Variants in KCNS1 observed in about 807,000 individuals in gnomAD.
The protein encoded by KCNS1 is delayed-rectifier potassium channel regulatory subunit KCNS1.
A neutral mutation model predicts 33.1 loss-of-function variants in KCNS1; 26 were observed. The observed-to-expected ratio is 0.79, with a 90% CI of 0.58 to 1.09. KCNS1 has a LOEUF of 1.09. Ranked by LOEUF, KCNS1 falls within the 50% of genes least tolerant of loss-of-function variation. KCNS1 has a pLI of 0.00. For missense variants in KCNS1, 702 were observed against 752.4 expected (o/e 0.93, Z 0.78); for synonymous variants, 299 against 338.8 (o/e 0.88, Z 1.29).
At position 45,098,594 on chromosome 20, in the gene KCNS1, G is replaced by C. The variant is rs1370575747; in HGVS notation, c.178C>G (p.Arg60Gly). ...EALRVNVGGV[R>G]RQLSARALAR... Reference sequence around the variant, plus strand: ...AGGGCGCGCGCGCTCAGCTGCCGCCGCACGCCACCCACGTTCACGCGCAGC... The same window carrying C: ...AGGGCGCGCGCGCTCAGCTGCCGCCCCACGCCACCCACGTTCACGCGCAGC... Residue 60 changes from arginine to glycine, a missense_variant, in exon 3 of 4, where the codon CGG becomes GGG. Physicochemically the swap from Arg to Gly is moderately radical, Grantham distance 125 (BLOSUM62 -2). Coordinates refer to ENST00000537075, the MANE Select transcript of KCNS1 (RefSeq NM_001322799.2). This position sits in a 1 kb window ranked among gnomAD's most constrained non-coding sequence, Gnocchi z 5.2. 1 of 1,412,398 alleles carries C rather than the reference G, an allele frequency of 7.1e-7. No individual in the cohort carries two copies. Among genetic ancestry groups the C allele is most frequent in the African/African-American group, 1.5e-5 (1 of 67,192 alleles). 87.5% of individuals were successfully genotyped at this position (1,412,398 alleles called of 1,614,324 possible). A position where few individuals can be genotyped will look rare whatever the true frequency, so the allele number is the denominator to read the frequency against.
intron 2 of KCNS1, 37 bp downstream of exon 2, chr20:45,099,124 C>T: frequency 6.5e-7 from 1 of 1,549,428 alleles, no homozygotes; most frequent in Non-Finnish European, 8.7e-7. Flanking sequence ...GCCCTCTGAA[C>T]CTGTTTCTTC....
At position 45,097,896 on chromosome 20, in the gene KCNS1, C is replaced by T; in HGVS notation, c.876G>A (p.Leu292=). 1 of 1,608,810 alleles carries T rather than the reference C, an allele frequency of 6.2e-7. No homozygotes were observed. The highest frequency in any genetic ancestry group is 8.5e-7 in the Non-Finnish European group (1 of 1,177,786). Residue 292 remains leucine, a synonymous_variant, in exon 3 of 4, where the codon CTG becomes CTA. Transcript: ENST00000537075. Reference sequence around the variant, plus strand: ...AGAAGTTGCGCGTACTGGGCGCCAGCAGGAGGCGCGACGACACCTCGAAGC... The same window carrying T: ...AGAAGTTGCGCGTACTGGGCGCCAGTAGGAGGCGCGACGACACCTCGAAGC... The part of the protein sequence containing the change: ...WFSFEVSSRL[L]LAPSTRNFFC...
Position 45,093,013 on chromosome 20 carries a change from G to A in KCNS1, c.*1857C>T, listed in dbSNP as rs1981047961. ...ATTTTTCCACCACTGTATCTCTTGA[G>A]ACTAGTAAGCAGCCCATAAGTCAGA... On this transcript the variant is annotated 3_prime_UTR_variant, in exon 4 of 4. Transcript: ENST00000537075. The A allele has an allele frequency of 6.6e-6, 1 of 151,996 alleles. No individual in the cohort carries two copies. The highest frequency in any genetic ancestry group is 6.6e-5 in the Admixed American group (1 of 15,262). 9.4% of individuals were successfully genotyped at this position (151,996 alleles called of 1,614,324 possible). A position where few individuals can be genotyped will look rare whatever the true frequency, so the allele number is the denominator to read the frequency against.
chr20:45,096,128 G>T (rs1981177478), intron 3 of KCNS1, among the ~76,000 whole-genome samples: 1 of 152,206 alleles, frequency 6.6e-6, no homozygotes, highest in South Asian at 2.1e-4. Context: ...AATGCGTGCA[G>T]GAATCATGCA....
At position 45,097,823 on chromosome 20, in the gene KCNS1, A is replaced by G; in HGVS notation, c.949T>C (p.Tyr317His). The G allele has an allele frequency of 6.2e-7, 1 of 1,613,752 alleles. No homozygotes were observed. Among genetic ancestry groups the G allele is most frequent in the South Asian group, 1.1e-5 (1 of 91,082 alleles). ...GCCACACCAGCCAGCAGCGTGAGAT[A>G]GAAGGGCAGCACAGACACAATGTCG... is the stretch of plus-strand genomic sequence containing the variant. The part of the protein sequence containing the change: ...LIDIVSVLPF[Y>H]LTLLAGVALG... Residue 317 changes from tyrosine (Y) to histidine (H), a missense_variant, in exon 3 of 4, where the codon TAT becomes CAT. This residue lies in a region of KCNS1 where 253 missense variants were observed against 327.4 expected (regional missense o/e 0.77). Coordinates refer to ENST00000537075, the MANE Select transcript of KCNS1 (RefSeq NM_001322799.2).
Position 45,097,998 on chromosome 20 carries a change from G to T in KCNS1, c.774C>A (p.Ala258=). 1 of 1,530,208 alleles carries T rather than the reference G, an allele frequency of 6.5e-7. No individual in the cohort carries two copies. Among genetic ancestry groups the T allele is most frequent in the Non-Finnish European group, 8.8e-7 (1 of 1,139,844 alleles). The allele number at this position is 1,530,208 out of a possible 1,614,324, so 94.8% of individuals were successfully genotyped here. Reference sequence around the variant, plus strand: ...GCACGCCTTCCGGGCTGCGGCCCGCGGCCACCGCAGCCACGGCGGCCGCCG... The same window carrying T: ...GCACGCCTTCCGGGCTGCGGCCCGCTGCCACCGCAGCCACGGCGGCCGCCG... ...REAAAAVAAV[A]AGRSPEGVRD... The change falls in exon 3 of 4, where the codon GCC becomes GCA. Residue 258 remains alanine (A), a synonymous_variant. Transcript: ENST00000537075.
rs1981309909 is a variant in KCNS1, at chr20:45,098,987, A to G, written c.76+174T>C. ...TAAATGCTGAGATCTACCTGGAAGG[A>G]TATGAAAGCGATGGAATCGCAGGAT... On this transcript the variant is annotated intron_variant, in intron 2 of 3. Coordinates refer to ENST00000537075, the MANE Select transcript of KCNS1 (RefSeq NM_001322799.2). The surrounding 1 kb of genome is among the most constrained non-coding windows in gnomAD (Gnocchi z 5.2). Among the ~76,000 whole-genome samples, 1 of 152,194 alleles carries G rather than the reference A, an allele frequency of 6.6e-6. No homozygotes were observed. Among genetic ancestry groups the G allele is most frequent in the Non-Finnish European group, 1.5e-5 (1 of 68,032 alleles).
intron 1 of KCNS1, among the ~76,000 whole-genome samples, chr20:45,099,444 G>A (rs1981325930): frequency 6.6e-6 from 1 of 152,148 alleles, no homozygotes; most frequent in South Asian, 2.1e-4. Flanking sequence ...ACTCTCTTGT[G>A]TCACCTTAGG....
In KCNS1 at chr20:45,091,856, G is replaced by A. The variant is rs1981008994; in HGVS notation, c.*3014C>T. ...ACAAACTAGAAGAGAAAAGGAGAGG[G>A]TTTCCCCCTGGAGTCTCCAGAGGGA... On this transcript the variant is annotated 3_prime_UTR_variant, in exon 4 of 4. Transcript: ENST00000537075. Among the ~76,000 whole-genome samples, 1 of 152,102 alleles carries A rather than the reference G, an allele frequency of 6.6e-6. No individual in the cohort carries two copies. The highest frequency in any genetic ancestry group is 1.5e-5 in the Non-Finnish European group (1 of 68,028).
Position 45,098,651 on chromosome 20 carries a change from T to C in KCNS1, c.121A>G (p.Thr41Ala). 6.8e-7 allele frequency: 1 copy of C among 1,471,656 alleles called. No individual in the cohort carries two copies. Among genetic ancestry groups the C allele is most frequent in the Non-Finnish European group, 9.0e-7 (1 of 1,113,240 alleles). The allele number at this position is 1,471,656 out of a possible 1,614,324, so 91.2% of individuals were successfully genotyped here. A position where few individuals can be genotyped will look rare whatever the true frequency, so the allele number is the denominator to read the frequency against. The change falls in exon 3 of 4, where the codon ACC (threonine) becomes GCC (alanine). Residue 41 changes from threonine (T) to alanine (A), a missense_variant. Transcript: ENST00000537075. This position sits in a 1 kb window ranked among gnomAD's most constrained non-coding sequence, Gnocchi z 5.2. ...TFVSEFPGPDTGIRWRRSDEA... is the reference protein window; with the variant it reads ...TFVSEFPGPDAGIRWRRSDEA... ...TCGCTTCGCCGCCAGCGGATCCCGGTGTCGGGGCCCGGGAACTCGCTCACA... is the reference window on the plus strand; with the variant it reads ...TCGCTTCGCCGCCAGCGGATCCCGGCGTCGGGGCCCGGGAACTCGCTCACA...
chr20:45,096,463 C>T (rs533939632), intron 3 of KCNS1, among the ~76,000 whole-genome samples: 10 of 152,190 alleles, frequency 6.6e-5, no homozygotes, highest in Non-Finnish European at 2.9e-5. Context: ...TTCCTTATAC[C>T]TGCCCACTGC....
Position 45,095,102 on chromosome 20 carries a change from G to T in KCNS1, c.1349C>A (p.Ala450Glu), listed in dbSNP as rs1470563146. The T allele has an allele frequency of 1.2e-6, 2 of 1,614,002 alleles. No homozygotes were observed. The highest frequency in any genetic ancestry group is 1.7e-6 in the Non-Finnish European group (2 of 1,179,992). ...GTTGAAGATGATGGTGATGGGGAGTGCTACCACCAGGATGCCCCCTAGGAT... is the reference window on the plus strand; with the variant it reads ...GTTGAAGATGATGGTGATGGGGAGTTCTACCACCAGGATGCCCCCTAGGAT... ...GCILGGILVV[A>E]LPITIIFNKF... The change falls in exon 4 of 4, where the codon GCA (alanine) becomes GAA (glutamate). Residue 450 changes from alanine to glutamate, a missense_variant. By Grantham distance (107) the Ala-to-Glu change is moderately radical (BLOSUM62 -1). Transcript: ENST00000537075.
At position 45,094,835 on chromosome 20, in the gene KCNS1, G is replaced by A. The variant is rs755320285; in HGVS notation, c.*35C>T. ...CTTTAGCAGGGGAGGAATCTCTACTGTAGGGGCATGGCAGGGGGTCACGGA... is the reference window on the plus strand; with the variant it reads ...CTTTAGCAGGGGAGGAATCTCTACTATAGGGGCATGGCAGGGGGTCACGGA... On this transcript the variant is annotated 3_prime_UTR_variant, in exon 4 of 4. Transcript: ENST00000537075. 2 of 1,530,852 alleles carry A rather than the reference G, an allele frequency of 1.3e-6. No individual in the cohort carries two copies. Among genetic ancestry groups the A allele is most frequent in the Non-Finnish European group, 8.9e-7 (1 of 1,118,848 alleles). 94.8% of individuals were successfully genotyped at this position (1,530,852 alleles called of 1,614,324 possible).
rs1981015035 is a variant in KCNS1, at chr20:45,092,052, A to G, written c.*2818T>C. ...TTTGCTTGATGTCAGTTTGTTGCTT[A>G]TACCCTCAAACTCTAATTGTTAACA... On this transcript the variant is annotated 3_prime_UTR_variant, in exon 4 of 4. Transcript: ENST00000537075. Among the ~76,000 whole-genome samples, 1 of 152,224 alleles carries G rather than the reference A, an allele frequency of 6.6e-6. No individual in the cohort carries two copies. Among genetic ancestry groups the G allele is most frequent in the Non-Finnish European group, 1.5e-5 (1 of 68,036 alleles).
chr20:45,098,327 C>T lies in KCNS1; in HGVS notation c.445G>A (p.Ala149Thr). The T allele has an allele frequency of 6.4e-7, 1 of 1,571,856 alleles. No homozygotes were observed. Among genetic ancestry groups the T allele is most frequent in the Admixed American group, 1.9e-5 (1 of 53,846 alleles). Residue 149 changes from alanine to threonine, a missense_variant, in exon 3 of 4, where the codon GCC becomes ACC. Coordinates refer to ENST00000537075, the MANE Select transcript of KCNS1 (RefSeq NM_001322799.2). This position sits in a 1 kb window ranked among gnomAD's most constrained non-coding sequence, Gnocchi z 5.2. Reference protein sequence around the residue: ...DYWGLGENALAACCRARYLER... With the variant: ...DYWGLGENALTACCRARYLER... ...AGGTAGCGCGCGCGGCAGCACGCGG[C>T]AAGCGCGTTCTCGCCTAGGCCCCAG...
chr20:45,097,476 G>T (rs1052968767), intron 3 of KCNS1, among the ~76,000 whole-genome samples, 186 bp downstream of exon 3: 15 of 152,256 alleles, frequency 9.9e-5, no homozygotes, highest in Non-Finnish European at 2.2e-4. Context: ...CTTCTTCACA[G>T]GGCTGTTGGG....
At chr20:45,097,594 T>C (rs557023044) in intron 3 of KCNS1, 68 bp downstream of exon 3, 1 of 1,458,288 alleles carries the variant, frequency 6.9e-7, no homozygotes. Context: ...GCTTGTAAGT[T>C]CACCTGCTAA....
rs923195631 is a variant in KCNS1 at position 45,091,838 on chromosome 20, A to C, written c.*3032T>G. On this transcript the variant is annotated 3_prime_UTR_variant, in exon 4 of 4. Coordinates refer to ENST00000537075, the MANE Select transcript of KCNS1 (RefSeq NM_001322799.2). Reference sequence around the variant, plus strand: ...AGAATGGTGGCAGCCACCACAAACTAGAAGAGAAAAGGAGAGGGTTTCCCC... The same window carrying C: ...AGAATGGTGGCAGCCACCACAAACTCGAAGAGAAAAGGAGAGGGTTTCCCC... Among the ~76,000 whole-genome samples, 1 of 152,176 alleles carries C rather than the reference A, an allele frequency of 6.6e-6. No individual in the cohort carries two copies. The highest frequency in any genetic ancestry group is 1.5e-5 in the Non-Finnish European group (1 of 68,028).
Position 45,091,393 on chromosome 20 carries a change from TG to T in KCNS1, c.*3476del, listed in dbSNP as rs1980996267. The stretch of plus-strand genomic sequence containing the variant: ...GGATGATACAGGGAAGGAAGTTGAC[TG>T]GAGGCAGATCATGTGGGTAGCAGTG... On this transcript the variant is annotated 3_prime_UTR_variant, in exon 4 of 4. Transcript: ENST00000537075. Among the ~76,000 whole-genome samples the T allele has an allele frequency of 6.6e-6, 1 of 152,182 alleles. No individual in the cohort carries two copies. The highest frequency in any genetic ancestry group is 2.4e-5 in the African/African-American group (1 of 41,436).
Sources: allele counts gnomAD v4.1 joint callset (sites outside exome capture counted in the v4.1 genomes callset), GRCh38; gene constraint gnomAD v4.1.1; regional missense constraint gnomAD v4.1.1; non-coding constraint Gnocchi (gnomAD v3.1); transcripts MANE v1.5; gene names NCBI Gene and HGNC (gene_info 2026-07-23, HGNC 2026-07-21).